Variants in SRRM2 observed in about 807,000 individuals in gnomAD.
SRRM2 encodes the protein serine/arginine repetitive matrix 2, also known as serine/arginine repetitive matrix protein 2.
A neutral mutation model predicts 213.8 loss-of-function variants in SRRM2; 30 were observed. That is an observed-to-expected ratio of 0.14 (90% CI 0.10 to 0.19). SRRM2 has a LOEUF of 0.19. Among genes scored for constraint, SRRM2 ranks in the 10% least tolerant of loss-of-function variants. The pLI is 1.00. For synonymous variants in SRRM2, 2,025 were observed against 1,377.7 expected, an observed-to-expected ratio of 1.47 and a Z score of -10.40; for missense variants, 4,904 against 3,647.0, an observed-to-expected ratio of 1.34 and a Z score of -8.88.
chr16:2,756,251 G>A, intron 1 of SRRM2, 83 bp from the exon 2 acceptor site: 1 of 1,254,912 alleles, frequency 8.0e-7, no homozygotes, highest in Non-Finnish European at 1.1e-6. Context: ...TAGGGATGAA[G>A]GAGAGCAGGG....
At position 2,767,746 on chromosome 16, in the gene SRRM2, G is replaced by C. The variant is rs749262477; in HGVS notation, c.7218G>C (p.Arg2406Ser). 1.9e-6 allele frequency: 3 copies of C among 1,612,836 alleles called. No individual in the cohort carries two copies. Among genetic ancestry groups the C allele is most frequent in the East Asian group, 2.2e-5 (1 of 44,858 alleles). ...CACCACCGCTCCTTGACCGAGCTAGGTCCAGAACACCACCGTCTGCCCCAA... is the reference window on the plus strand; with the variant it reads ...CACCACCGCTCCTTGACCGAGCTAGCTCCAGAACACCACCGTCTGCCCCAA... ...RTSPPLLDRARSRTPPSAPSQ... is the reference protein window; with the variant it reads ...RTSPPLLDRASSRTPPSAPSQ... Residue 2406 changes from arginine to serine, a missense_variant, in exon 11 of 15, where the codon AGG becomes AGC. By Grantham distance (110) the Arg-to-Ser change is moderately radical. Transcript: ENST00000301740.
At position 2,752,744 on chromosome 16, in the gene SRRM2, C is replaced by T. The variant is rs1306343056; in HGVS notation, c.-134C>T. The T allele has an allele frequency of 2.8e-6, 1 of 352,294 alleles. No individual in the cohort carries two copies. Among genetic ancestry groups the T allele is most frequent in the Non-Finnish European group, 5.7e-6 (1 of 176,788 alleles). The allele number at this position is 352,294 out of a possible 1,614,324, so 21.8% of individuals were successfully genotyped here. On this transcript the variant is annotated 5_prime_UTR_variant, in exon 1 of 15. Transcript: ENST00000301740. ...GTCGGCGTCGGCTGAGGCGGGCGGA[C>T]CGGCGAGGCGAGGCGGCGGCCCCAG...
chr16:2,765,000 A>C lies in SRRM2; in HGVS notation c.4472A>C (p.Gln1491Pro). Residue 1491 changes from glutamine (Q) to proline (P), a missense_variant, in exon 11 of 15, where the codon CAG (glutamine) becomes CCG (proline). Coordinates refer to ENST00000301740, the MANE Select transcript of SRRM2 (RefSeq NM_016333.4). ...TCCCCAGAACCGAAAGCTTTGCCTC[A>C]GACTCCTAGGCCGAGGAGTCGTTCT... ...DSSPEPKALP[Q>P]TPRPRSRSPS... 2 of 1,614,084 alleles carry C rather than the reference A, an allele frequency of 1.2e-6. No homozygotes were observed. Among genetic ancestry groups the C allele is most frequent in the Non-Finnish European group, 1.7e-6 (2 of 1,180,018 alleles).
chr16:2,758,385 C>G, intron 4 of SRRM2, 85 bp from the exon 5 acceptor site: 1 of 1,223,920 alleles, frequency 8.2e-7, no homozygotes, highest in African/African-American at 1.5e-5. Flanking sequence ...ATTTTTATTA[C>G]TATTTTTTTA....
rs1210150880 is a variant in SRRM2 at position 2,763,458 on chromosome 16, C to A, written c.2930C>A (p.Thr977Asn). Reference sequence around the variant, plus strand: ...CATTCTGGGTCCTCCTCACCAGATACCAAAGTGAAACCTGAAACACCGCCA... The same window carrying A: ...CATTCTGGGTCCTCCTCACCAGATAACAAAGTGAAACCTGAAACACCGCCA... The part of the protein sequence containing the change: ...YSHSGSSSPD[T>N]KVKPETPPRQ... The change falls in exon 11 of 15, where the codon ACC (threonine) becomes AAC (asparagine). Residue 977 changes from threonine (T) to asparagine (N), a missense_variant. By Grantham distance (65) the Thr-to-Asn change is moderately conservative (BLOSUM62 0). Coordinates refer to ENST00000301740, the MANE Select transcript of SRRM2 (RefSeq NM_016333.4). 4 of 1,614,198 alleles carry A rather than the reference C, an allele frequency of 2.5e-6. No individual in the cohort carries two copies.
In SRRM2 at chr16:2,765,509, C is replaced by A; in HGVS notation, c.4981C>A (p.His1661Asn). Residue 1661 changes from histidine to asparagine, a missense_variant, in exon 11 of 15, where the codon CAT (histidine) becomes AAT (asparagine). Coordinates refer to ENST00000301740, the MANE Select transcript of SRRM2 (RefSeq NM_016333.4). ...GSSSTESSPE[H>N]PPKSRTARRG... ...CAGCAGTACCGAGTCCTCTCCTGAA[C>A]ATCCGCCCAAATCCAGAACTGCTCG... is the stretch of plus-strand genomic sequence containing the variant. 6.2e-7 allele frequency: 1 copy of A among 1,614,204 alleles called. No individual in the cohort carries two copies. Among genetic ancestry groups the A allele is most frequent in the South Asian group, 1.1e-5 (1 of 91,080 alleles).
chr16:2,757,865 C>T lies in SRRM2; in HGVS notation c.435C>T (p.Tyr145=), dbSNP rs778866461. The T allele has an allele frequency of 4.2e-5, 68 of 1,614,050 alleles. No homozygotes were observed. Among genetic ancestry groups the T allele is most frequent in the African/African-American group, 3.6e-4 (27 of 74,920 alleles). The change falls in exon 4 of 15, where the codon TAC becomes TAT. Residue 145 remains tyrosine, a synonymous_variant. Coordinates refer to ENST00000301740, the MANE Select transcript of SRRM2 (RefSeq NM_016333.4). ...CTGCCTTTGGCATCAGTGATTCTTA[C>T]GTAGATGGCAGCTCTTTTGATCCTC... ...LRAAFGISDS[Y]VDGSSFDPQR...
rs779160951 is a variant in SRRM2, at chr16:2,766,073, C to T, written c.5545C>T (p.Arg1849Trp). 11 of 1,614,050 alleles carry T rather than the reference C, an allele frequency of 6.8e-6. No homozygotes were observed. Among genetic ancestry groups the T allele is most frequent in the Admixed American group, 3.3e-5 (2 of 60,004 alleles). Reference protein sequence around the residue: ...RGRSRTPPTSRKRSRSRTSPA... With the variant: ...RGRSRTPPTSWKRSRSRTSPA... ...CCGCTCTCGGACACCCCCAACCAGT[C>T]GGAAGCGTTCTCGCTCACGCACATC... is the stretch of plus-strand genomic sequence containing the variant. The change falls in exon 11 of 15, where the codon CGG becomes TGG. Residue 1849 changes from arginine to tryptophan, a missense_variant. Coordinates refer to ENST00000301740, the MANE Select transcript of SRRM2 (RefSeq NM_016333.4). The surrounding 1 kb of genome is among the most constrained non-coding windows in gnomAD (Gnocchi z 7.0).
intron 10 of SRRM2, 106 bp from the exon 11 acceptor site, chr16:2,761,455 G>C: frequency 1.1e-6 from 1 of 875,700 alleles, no homozygotes; most frequent in Non-Finnish European, 1.7e-6. Flanking sequence ...TGGTCAGAGG[G>C]TGTGTAAAAG....
chr16:2,771,187 C>T lies in SRRM2; in HGVS notation c.*320C>T. 4.8e-6 allele frequency: 3 copies of T among 631,006 alleles called. No individual in the cohort carries two copies. The highest frequency in any genetic ancestry group is 2.8e-5 in the East Asian group (1 of 36,252). 39.1% of individuals were successfully genotyped at this position (631,006 alleles called of 1,614,324 possible). ...CAGGGAGGCATGGCCCCACTTGTAT[C>T]CAGAAGTTCCCAGGGGTGATTGTGA... On this transcript the variant is annotated 3_prime_UTR_variant, in exon 15 of 15. Coordinates refer to ENST00000301740, the MANE Select transcript of SRRM2 (RefSeq NM_016333.4).
intron 10 of SRRM2, 152 bp downstream of exon 10, chr16:2,760,651 C>T: frequency 1.2e-6 from 1 of 820,278 alleles, no homozygotes; most frequent in East Asian, 2.7e-5. Context: ...ACTGCATCTG[C>T]AGAACTTTTA....
rs2068508201 is a variant in SRRM2 at position 2,765,501 on chromosome 16, C to T, written c.4973C>T (p.Ser1658Phe). 10 of 1,614,224 alleles carry T rather than the reference C, an allele frequency of 6.2e-6. No individual in the cohort carries two copies. The highest frequency in any genetic ancestry group is 1.1e-5 in the South Asian group (1 of 91,082). The change falls in exon 11 of 15, where the codon TCT becomes TTT. Residue 1658 changes from serine to phenylalanine, a missense_variant. Coordinates refer to ENST00000301740, the MANE Select transcript of SRRM2 (RefSeq NM_016333.4). Reference protein sequence around the residue: ...SPEGSSSTESSPEHPPKSRTA... With the variant: ...SPEGSSSTESFPEHPPKSRTA... ...GAAGGAAGCAGCAGTACCGAGTCCT[C>T]TCCTGAACATCCGCCCAAATCCAGA...
chr16:2,752,925 T>C (rs1040501162), intron 1 of SRRM2, 79 bp downstream of exon 1: 17 of 161,058 alleles, frequency 1.1e-4, no homozygotes, highest in African/African-American at 4.2e-4. Context: ...CGCGGAGAAC[T>C]GCCCAGGCCG....
Position 2,756,610 on chromosome 16 carries a change from AGGGAGAGCTGG to A in SRRM2, c.242+12_242+22del. The A allele has an allele frequency of 6.2e-7, 1 of 1,610,202 alleles. No homozygotes were observed. The highest frequency in any genetic ancestry group is 8.5e-7 in the Non-Finnish European group (1 of 1,177,908). On this transcript the variant is annotated splice_donor_5th_base_variant and intron_variant, in intron 2 of 14. Transcript: ENST00000301740. ...AGGAGATGATGGAAGAGCAGGGGTG[AGGGAGAGCTGG>A]GGGAGAGTCAAGCACTGAATGAGTG...
At chr16:2,757,999 T>C in intron 4 of SRRM2, 54 bp downstream of exon 4, 1 of 1,559,272 alleles carries the variant, frequency 6.4e-7, no homozygotes, top group Non-Finnish European at 8.7e-7. Flanking sequence ...GTAAGCTCCA[T>C]GCTCTATTTT....
In SRRM2 at chr16:2,765,285, A is replaced by G; in HGVS notation, c.4757A>G (p.Asp1586Gly). 1.9e-6 allele frequency: 3 copies of G among 1,614,146 alleles called. No individual in the cohort carries two copies. Among genetic ancestry groups the G allele is most frequent in the Non-Finnish European group, 2.5e-6 (3 of 1,180,022 alleles). Residue 1586 changes from aspartate to glycine, a missense_variant, in exon 11 of 15, where the codon GAC (aspartate) becomes GGC (glycine). Asp to Gly is a moderately conservative substitution (Grantham distance 94). Transcript: ENST00000301740. Reference sequence around the variant, plus strand: ...CGGTCTGGATCATCTCCAGAGGTTGACAGCAAATCTCGACTATCCCCTCGG... The same window carrying G: ...CGGTCTGGATCATCTCCAGAGGTTGGCAGCAAATCTCGACTATCCCCTCGG... The part of the protein sequence containing the change: ...RSRSGSSPEV[D>G]SKSRLSPRRS...
At chr16:2,757,708 T>C in intron 3 of SRRM2, 73 bp from the exon 4 acceptor site, 1 of 1,585,204 alleles carries the variant, frequency 6.3e-7, no homozygotes, top group Non-Finnish European at 8.6e-7. Context: ...ATTTGGCTCC[T>C]GCTTATACTT....
In SRRM2 at chr16:2,757,893, C is replaced by T. The variant is rs776845355; in HGVS notation, c.463C>T (p.Arg155Cys). Residue 155 changes from arginine to cysteine, a missense_variant, in exon 4 of 15, where the codon CGT becomes TGT. By Grantham distance (180) the Arg-to-Cys change is radical. Coordinates refer to ENST00000301740, the MANE Select transcript of SRRM2 (RefSeq NM_016333.4). The part of the protein sequence containing the change: ...YVDGSSFDPQ[R>C]RAREAKQPAP... Reference sequence around the variant, plus strand: ...AGATGGCAGCTCTTTTGATCCTCAGCGTCGTGCCCGAGAAGCTAAACAACC... The same window carrying T: ...AGATGGCAGCTCTTTTGATCCTCAGTGTCGTGCCCGAGAAGCTAAACAACC... 1.1e-5 allele frequency: 17 copies of T among 1,614,056 alleles called. No homozygotes were observed. The highest frequency in any genetic ancestry group is 5.5e-5 in the South Asian group (5 of 91,082).
In SRRM2 at chr16:2,760,372, G is replaced by A. The variant is rs747655015; in HGVS notation, c.905G>A (p.Arg302Gln). 1.1e-5 allele frequency: 17 copies of A among 1,613,970 alleles called. No individual in the cohort carries two copies. The East Asian group carries it at 1.1e-4, about 11-fold the overall frequency. Residue 302 changes from arginine to glutamine, a missense_variant, in exon 10 of 15, where the codon CGA becomes CAA. Physicochemically the swap from Arg to Gln is conservative, Grantham distance 43. Transcript: ENST00000301740. ...CGAAGTCCTTCCCCTGCTTCAGGGC[G>A]ACGCGGGGAGGGAGATGCGCCTTTC... ...AGRSPSPASG[R>Q]RGEGDAPFSE...
Sources: gnomAD v4.1 joint callset for allele counts on GRCh38, gnomAD v4.1.1 for gene constraint, Gnocchi (gnomAD v3.1) non-coding constraint, MANE v1.5 for transcripts, NCBI Gene and HGNC (gene_info 2026-07-23, HGNC 2026-07-21) for gene names.